HMGCLL1: variants seen among roughly 807,000 people sequenced by gnomAD.
HMGCLL1 encodes 3-hydroxy-3-methylglutaryl-CoA lyase like 1.
In HMGCLL1, 36 loss-of-function variants were observed where a neutral mutation model predicts 39.1. That is an observed-to-expected ratio of 0.92 (90% CI 0.71 to 1.22). The LOEUF is 1.22. Ranked by LOEUF, HMGCLL1 falls within the 50% of genes most tolerant of loss-of-function variation. The pLI is 0.00. For synonymous variants in HMGCLL1, 149 were observed against 144.0 expected (o/e 1.03, Z -0.25); for missense variants, 451 against 416.5 (o/e 1.08, Z -0.72).
chr6:55,609,526 C>T, the HMGCLL1 span, among the ~76,000 whole-genome samples: 2 of 152,116 alleles, frequency 1.3e-5, no homozygotes, highest in Non-Finnish European at 2.9e-5. Flanking sequence ...ACTCTGATCT[C>T]CCTGGGCCTG....
At chr6:55,531,888 C>A (rs1768704006) in intron 3 of HMGCLL1, among the ~76,000 whole-genome samples, 1 of 152,130 alleles carries the variant, frequency 6.6e-6, no homozygotes, top group Non-Finnish European at 1.5e-5. Context: ...TGCAGGAAAA[C>A]AAGCTTAGGG....
chr6:55,521,164 T>A (rs1023629475), intron 3 of HMGCLL1, among the ~76,000 whole-genome samples: 1 of 152,146 alleles, frequency 6.6e-6, no homozygotes, highest in Admixed American at 6.6e-5. Context: ...GCTTTCAATA[T>A]GTTCCCCAGA....
intron 7 of HMGCLL1, among the ~76,000 whole-genome samples, chr6:55,481,455 C>T (rs758895823): frequency 5.3e-5 from 8 of 151,904 alleles, no homozygotes; most frequent in African/African-American, 9.7e-5. Flanking sequence ...GATAGATACC[C>T]CATTTATCCT....
the HMGCLL1 span, among the ~76,000 whole-genome samples, chr6:55,670,407 T>C: frequency 1.3e-5 from 2 of 151,812 alleles, no homozygotes; most frequent in African/African-American, 4.8e-5. Flanking sequence ...ATACCATGAA[T>C]AAACAAGTAA....
chr6:55,627,861 TTA>T, the HMGCLL1 span, among the ~76,000 whole-genome samples: 1 of 91,422 alleles, frequency 1.1e-5, no homozygotes, highest in African/African-American at 4.2e-5. Flanking sequence ...ATCATGTAAG[TTA>T]ATACTTAATA....
the HMGCLL1 span, among the ~76,000 whole-genome samples, chr6:55,644,884 C>T: frequency 6.6e-6 from 1 of 151,934 alleles, no homozygotes; most frequent in African/African-American, 2.4e-5. Context: ...TATTCTGGGT[C>T]TCCTGTGACT....
At chr6:55,478,288 T>C (rs1765564258) in intron 7 of HMGCLL1, among the ~76,000 whole-genome samples, 1 of 151,332 alleles carries the variant, frequency 6.6e-6, no homozygotes, top group African/African-American at 2.4e-5. Context: ...TACTGTGAAA[T>C]GGCTCATGAA....
chr6:55,650,126 T>TATATATATACACACATATAC, the HMGCLL1 span, among the ~76,000 whole-genome samples: 1 of 53,756 alleles, frequency 1.9e-5, no homozygotes. Context: ...TATATATATA[T>TATATATATACACACATATAC]ATATATATAC....
At chr6:55,459,755 C>T (rs1454564839) in intron 7 of HMGCLL1, among the ~76,000 whole-genome samples, 2 of 151,808 alleles carry the variant, frequency 1.3e-5, no homozygotes, top group Admixed American at 1.3e-4. Flanking sequence ...TTTTATATAA[C>T]CTTATGATGC....
chr6:55,472,741 T>A (rs1254887291), intron 7 of HMGCLL1, among the ~76,000 whole-genome samples: 1 of 151,520 alleles, frequency 6.6e-6, no homozygotes, highest in Non-Finnish European at 1.5e-5. Flanking sequence ...ATTGTATGGA[T>A]GATTCACAAA....
the HMGCLL1 span, among the ~76,000 whole-genome samples, chr6:55,585,845 T>G: frequency 6.6e-6 from 1 of 152,098 alleles, no homozygotes; most frequent in South Asian, 2.1e-4. Context: ...TATTTAAGAT[T>G]AAGATATGCC....
the HMGCLL1 span, among the ~76,000 whole-genome samples, chr6:55,587,894 A>G: frequency 3.3e-5 from 5 of 152,188 alleles, no homozygotes; most frequent in African/African-American, 1.2e-4. Context: ...GAGCACCCAG[A>G]TTCATAAAGC....
At chr6:55,514,332 C>A in intron 4 of HMGCLL1, 136 bp from the exon 5 acceptor site, 1 of 604,602 alleles carries the variant, frequency 1.7e-6, no homozygotes, top group Non-Finnish European at 2.7e-6. Context: ...AATTGGATTC[C>A]TCTCATCTTG....
intron 7 of HMGCLL1, among the ~76,000 whole-genome samples, chr6:55,495,103 G>T (rs1007368069): frequency 6.6e-6 from 1 of 152,124 alleles, no homozygotes; most frequent in African/African-American, 2.4e-5. Context: ...TCGTATTTCA[G>T]TCTACTGAAT....
the HMGCLL1 span, among the ~76,000 whole-genome samples, chr6:55,595,986 G>A: frequency 1.3e-5 from 2 of 152,118 alleles, no homozygotes; most frequent in Non-Finnish European, 2.9e-5. Flanking sequence ...GGTATCAAAT[G>A]TTTTGTAAAA....
the HMGCLL1 span, among the ~76,000 whole-genome samples, chr6:55,635,040 G>T: frequency 6.6e-6 from 1 of 151,896 alleles, no homozygotes; most frequent in East Asian, 1.9e-4. Context: ...CCTATAAACT[G>T]AAAATAAAGT....
intron 7 of HMGCLL1, among the ~76,000 whole-genome samples, chr6:55,488,465 A>G (rs1766155309): frequency 6.6e-6 from 1 of 152,100 alleles, no homozygotes; most frequent in African/African-American, 2.4e-5. Context: ...AAAATTAACC[A>G]GTTTGCCTAA....
chr6:55,487,036 C>A (rs545236981), intron 7 of HMGCLL1, among the ~76,000 whole-genome samples: 1 of 152,146 alleles, frequency 6.6e-6, no homozygotes, highest in East Asian at 1.9e-4. Context: ...TCCCAGAGGC[C>A]TCACCTTTTA....
chr6:55,467,063 A>G (rs534830773), intron 7 of HMGCLL1, among the ~76,000 whole-genome samples: 2 of 152,016 alleles, frequency 1.3e-5, no homozygotes, highest in South Asian at 4.2e-4. Flanking sequence ...ATTCCCCTAC[A>G]CTGTTTCTAA....
Sources: allele counts gnomAD v4.1 joint callset (sites outside exome capture counted in the v4.1 genomes callset), GRCh38; gene constraint gnomAD v4.1.1; transcripts MANE v1.5; gene names NCBI Gene and HGNC (gene_info 2026-07-23, HGNC 2026-07-21).